The following TNRC6A variants were observed in gnomAD, a reference collection of about 807,000 sequenced individuals.
The protein encoded by TNRC6A is trinucleotide repeat containing adaptor 6A.
Under a neutral mutation model 221.2 loss-of-function variants are expected in TNRC6A, and 44 were observed. The observed-to-expected ratio is 0.20, with a 90% CI of 0.16 to 0.26. TNRC6A has a LOEUF of 0.26. Ranked by LOEUF, TNRC6A falls within the 10% of genes least tolerant of loss-of-function variation. The probability of loss-of-function intolerance (pLI) is 1.00; values close to 1 mark genes in which losing one functional copy is unlikely to be tolerated. For missense variants in TNRC6A, 2,199 were observed against 2,404.4 expected, an observed-to-expected ratio of 0.91 and a Z score of 1.79; for synonymous variants, 847 against 838.5, an observed-to-expected ratio of 1.01 and a Z score of -0.18.
chr16:24,646,923 T>C (rs34487775), intron 2 of TNRC6A, among the ~76,000 whole-genome samples: 10 of 152,150 alleles, frequency 6.6e-5, no homozygotes, highest in Non-Finnish European at 1.2e-4. Flanking sequence ...AATCTTTATT[T>C]TTATTTATTT....
rs775385571 is a variant in TNRC6A at position 24,805,762 on chromosome 16, C to T, written c.4251+29C>T. On this transcript the variant is annotated intron_variant, in intron 15 of 24. Transcript: ENST00000395799. ...AGCAGAGTCATAGTCTTTCTTAGTA[C>T]ACATTTATGGAGCATCTACTGTATG... The T allele has an allele frequency of 1.4e-5, 22 of 1,613,856 alleles. No homozygotes were observed. In the East Asian group the frequency reaches 4.5e-4, roughly 33 times the overall value.
At position 24,806,557 on chromosome 16, in the gene TNRC6A, C is replaced by A; in HGVS notation, c.4330-17C>A. The A allele has an allele frequency of 6.2e-7, 1 of 1,612,682 alleles. No individual in the cohort carries two copies. Among genetic ancestry groups the A allele is most frequent in the South Asian group, 1.1e-5 (1 of 90,988 alleles). The stretch of plus-strand genomic sequence containing the variant: ...TTTTCCCCCAGTAATTTTTTCCAAT[C>A]ATTTCATTGTTTTAAGGGTCGACCT... On this transcript the variant is annotated splice_polypyrimidine_tract_variant and intron_variant, in intron 16 of 24. Transcript: ENST00000395799.
chr16:24,791,167 G>C lies in TNRC6A; in HGVS notation c.2525G>C (p.Gly842Ala). The C allele has an allele frequency of 6.2e-7, 1 of 1,614,050 alleles. No homozygotes were observed. The change falls in exon 6 of 25, where the codon GGA becomes GCA. Residue 842 changes from glycine (G) to alanine (A), a missense_variant. This residue lies in a region of TNRC6A where 1,405 missense variants were observed against 1,400.2 expected (regional missense o/e 1.00). Coordinates refer to ENST00000395799, the MANE Select transcript of TNRC6A (RefSeq NM_014494.4). ...AAGAATAAACAGGGATGGGGTGATG[G>C]ACAAAAATCAAGCCAAGGGTGGTCT... ...SQKNKQGWGDGQKSSQGWSVS... is the reference protein window; with the variant it reads ...SQKNKQGWGDAQKSSQGWSVS...
intron 2 of TNRC6A, among the ~76,000 whole-genome samples, chr16:24,736,712 T>C (rs1425808712): frequency 1.3e-5 from 2 of 152,258 alleles, no homozygotes; most frequent in Admixed American, 1.3e-4. Context: ...CACAGCATTT[T>C]GAAGTAAATT....
intron 2 of TNRC6A, among the ~76,000 whole-genome samples, chr16:24,667,022 A>C (rs1357320813): frequency 2.0e-5 from 3 of 152,170 alleles, no homozygotes; most frequent in Admixed American, 6.6e-5. Flanking sequence ...AGGCTGAAAC[A>C]GGAGAATTGC....
chr16:24,705,395 G>A (rs923460822), intron 2 of TNRC6A, among the ~76,000 whole-genome samples: 3 of 151,394 alleles, frequency 2.0e-5, no homozygotes, highest in South Asian at 2.1e-4. Context: ...GCAGTGGCAC[G>A]ATCTCAGCTC....
At chr16:24,701,759 G>A (rs1018936242) in intron 2 of TNRC6A, among the ~76,000 whole-genome samples, 17 of 152,112 alleles carry the variant, frequency 1.1e-4, no homozygotes, top group Admixed American at 1.0e-3. Flanking sequence ...CTTTCCTCAG[G>A]AAATTGAGGC....
intron 3 of TNRC6A, among the ~76,000 whole-genome samples, chr16:24,757,925 G>A (rs983842420): frequency 1.3e-5 from 2 of 152,036 alleles, no homozygotes; most frequent in African/African-American, 2.4e-5. Flanking sequence ...AACCTAATTC[G>A]TCTTTTTATC....
At chr16:24,731,257 A>G (rs1025160972) in intron 2 of TNRC6A, among the ~76,000 whole-genome samples, 2 of 151,972 alleles carry the variant, frequency 1.3e-5, no homozygotes, top group Non-Finnish European at 1.5e-5. Flanking sequence ...TCAGGTTTTA[A>G]TGTAGTTTGC....
chr16:24,621,967 A>G (rs1042162001), intron 1 of TNRC6A, among the ~76,000 whole-genome samples: 3 of 152,192 alleles, frequency 2.0e-5, no homozygotes, highest in Non-Finnish European at 2.9e-5. Flanking sequence ...TTGGATTTTT[A>G]TTGAACAAGG....
intron 2 of TNRC6A, among the ~76,000 whole-genome samples, chr16:24,642,941 G>C (rs949517253): frequency 6.6e-6 from 1 of 151,208 alleles, no homozygotes; most frequent in Non-Finnish European, 1.5e-5. Flanking sequence ...CTACTTGGGA[G>C]ATTGAGGTGG....
At chr16:24,709,816 C>A (rs1369021595) in intron 2 of TNRC6A, among the ~76,000 whole-genome samples, 4 of 132,766 alleles carry the variant, frequency 3.0e-5, no homozygotes, top group African/African-American at 6.2e-5. Flanking sequence ...CAGAACAAGA[C>A]CCTGTCTCAA....
In TNRC6A at chr16:24,638,987, A is replaced by G. The variant is rs185593815; in HGVS notation, n.277-1897A>G. On this transcript the variant is annotated intron_variant and non_coding_transcript_variant, in intron 1 of 2. Transcript: ENST00000566108. ...GCCATTGGATTGGGCAACATGTAAG[A>G]TCTTGATGATGTTGGTGCAAATACC... Among the ~76,000 whole-genome samples the G allele has an allele frequency of 5.3e-4, 80 of 152,330 alleles. No homozygotes were observed. The East Asian group carries it at 0.013, about 25-fold the overall frequency.
At chr16:24,732,024 A>G (rs1477377146) in intron 2 of TNRC6A, among the ~76,000 whole-genome samples, 1 of 152,250 alleles carries the variant, frequency 6.6e-6, no homozygotes, top group Non-Finnish European at 1.5e-5. Context: ...CAGTAGTACT[A>G]GGTAGATGAC....
intron 5 of TNRC6A, among the ~76,000 whole-genome samples, chr16:24,779,147 C>G (rs1215687379): frequency 6.6e-6 from 1 of 152,038 alleles, no homozygotes; most frequent in Non-Finnish European, 1.5e-5. Flanking sequence ...AGAAGAAGGC[C>G]TCAGGTGTGG....
chr16:24,797,615 C>A, intron 10 of TNRC6A, 45 bp downstream of exon 10: 1 of 1,400,540 alleles, frequency 7.1e-7, no homozygotes, highest in South Asian at 1.3e-5. Flanking sequence ...TAATGGTGGT[C>A]CATGATTTAT....
chr16:24,781,968 G>A (rs991553572), intron 5 of TNRC6A, among the ~76,000 whole-genome samples: 2 of 151,912 alleles, frequency 1.3e-5, no homozygotes, highest in African/African-American at 2.4e-5. Flanking sequence ...GACTACAGGC[G>A]CCCGCCACCA....
At chr16:24,689,684 G>T (rs116002675) in intron 2 of TNRC6A, among the ~76,000 whole-genome samples, 12,574 of 152,082 alleles carry the variant, frequency 0.083, 1,012 homozygotes, top group African/African-American at 0.21. Context: ...GCACGTTTTA[G>T]TGGAGGAACA....
Position 24,823,615 on chromosome 16 carries a change from C to T in TNRC6A, c.5697C>T (p.His1899=). The T allele has an allele frequency of 6.2e-7, 1 of 1,614,116 alleles. No individual in the cohort carries two copies. Among genetic ancestry groups the T allele is most frequent in the Non-Finnish European group, 8.5e-7 (1 of 1,180,006 alleles). The stretch of plus-strand genomic sequence containing the variant: ...TCTCCAGCCGGACCGATCTCAATCA[C>T]TGGAATGGTGCTGGGCTGTCGGGAA... The part of the protein sequence containing the change: ...HSFSSRTDLN[H]WNGAGLSGTN... The change falls in exon 25 of 25, where the codon CAC becomes CAT. Residue 1899 remains histidine (H), a synonymous_variant. Transcript: ENST00000395799. This position sits in a 1 kb window ranked among gnomAD's most constrained non-coding sequence, Gnocchi z 4.3.
Sources: gnomAD v4.1 joint callset for allele counts (sites outside exome capture counted in the v4.1 genomes callset) on GRCh38, gnomAD v4.1.1 for gene constraint, gnomAD v4.1.1 regional missense constraint, Gnocchi (gnomAD v3.1) non-coding constraint, MANE v1.5 for transcripts, NCBI Gene and HGNC (gene_info 2026-07-23, HGNC 2026-07-21) for gene names.